GABRA5: variants seen among roughly 807,000 people sequenced by gnomAD.
The protein encoded by GABRA5 is gamma-aminobutyric acid type A receptor subunit alpha5.
In GABRA5, 18 loss-of-function variants were observed where a neutral mutation model predicts 47.3. The observed-to-expected ratio is 0.38, with a 90% CI of 0.26 to 0.56. The LOEUF (loss-of-function observed/expected upper bound fraction) is 0.56, where lower values mean the gene tolerates loss of function less well. Ranked by LOEUF, GABRA5 falls within the 20% of genes least tolerant of loss-of-function variation. GABRA5 has a pLI of 0.71. For missense variants in GABRA5, 365 were observed against 599.3 expected, an observed-to-expected ratio of 0.61 and a Z score of 4.08; for synonymous variants, 237 against 229.3, an observed-to-expected ratio of 1.03 and a Z score of -0.30.
chr15:26,948,652 C>T lies in GABRA5; in HGVS notation c.*419C>T, dbSNP rs114838059. ...GATTATTAGTTGACCAACTATATTG[C>T]GAGAAACAGAGATCATAAAGAGCAC... On this transcript the variant is annotated 3_prime_UTR_variant, in exon 11 of 11. Transcript: ENST00000335625. 2,583 of 165,712 alleles carry T rather than the reference C, an allele frequency of 0.016. 79 individuals carry two copies. The highest frequency in any genetic ancestry group is 0.059 in the African/African-American group (2,458 of 41,738). The allele number at this position is 165,712 out of a possible 1,614,324, so 10.3% of individuals were successfully genotyped here.
chr15:26,870,393 G>A (rs1892436713), intron 3 of GABRA5, among the ~76,000 whole-genome samples: 1 of 152,182 alleles, frequency 6.6e-6, no homozygotes, highest in Non-Finnish European at 1.5e-5. Context: ...GACAGCATTG[G>A]GACTTTAGTC....
At chr15:26,934,264 A>AAAG (rs1894181882) in intron 7 of GABRA5, among the ~76,000 whole-genome samples, 1 of 150,778 alleles carries the variant, frequency 6.6e-6, no homozygotes, top group African/African-American at 2.4e-5. Context: ...AAAAAAAAAA[A>AAAG]AAAGAAAGAA....
intron 7 of GABRA5, among the ~76,000 whole-genome samples, chr15:26,921,895 G>T (rs545908963): frequency 4.0e-4 from 61 of 152,030 alleles, no homozygotes; most frequent in Non-Finnish European, 6.8e-4. Context: ...ACTGTTTGTA[G>T]ATTTTTCTGT....
intron 7 of GABRA5, among the ~76,000 whole-genome samples, chr15:26,927,464 T>C (rs1893989197): frequency 6.6e-6 from 1 of 152,148 alleles, no homozygotes; most frequent in African/African-American, 2.4e-5. Context: ...TGATCATTCA[T>C]TTATATTTAC....
chr15:26,911,398 A>ACACAG (rs1566877398), intron 6 of GABRA5, among the ~76,000 whole-genome samples: 15 of 96,782 alleles, frequency 1.5e-4, no homozygotes, highest in Non-Finnish European at 2.1e-4. Flanking sequence ...CACACACACA[A>ACACAG]ACACACACAC....
In GABRA5 at chr15:26,867,105, G is replaced by A. The variant is rs1269644425; in HGVS notation, c.-146G>A. On this transcript the variant is annotated 5_prime_UTR_variant, in exon 1 of 11. Coordinates refer to ENST00000335625, the MANE Select transcript of GABRA5 (RefSeq NM_000810.4). The surrounding 1 kb of genome is among the most constrained non-coding windows in gnomAD (Gnocchi z 5.9). ...AGCCCAGAGACGACATGTGGCGCTC[G>A]GGCGAGGTGAGAGCGGGCGCGAGTG... 1.3e-5 allele frequency: 2 copies of A among 152,096 alleles called. No homozygotes were observed. Among genetic ancestry groups the A allele is most frequent in the Non-Finnish European group, 1.5e-5 (1 of 67,950 alleles). 9.4% of individuals were successfully genotyped at this position (152,096 alleles called of 1,614,324 possible).
At chr15:26,911,176 C>CTAATTG (rs1555391696) in intron 6 of GABRA5, among the ~76,000 whole-genome samples, 3 of 151,470 alleles carry the variant, frequency 2.0e-5, no homozygotes, top group African/African-American at 7.3e-5. Flanking sequence ...GTTTAGAATT[C>CTAATTG]TAAGGGGCTC....
At chr15:26,908,829 T>G (rs576644123) in intron 6 of GABRA5, among the ~76,000 whole-genome samples, 24 of 152,358 alleles carry the variant, frequency 1.6e-4, no homozygotes, top group Non-Finnish European at 3.1e-4. Flanking sequence ...TATTTCATTA[T>G]CAAAGTCTGA....
chr15:26,942,596 G>T (rs1894410541), intron 9 of GABRA5, among the ~76,000 whole-genome samples: 1 of 152,162 alleles, frequency 6.6e-6, no homozygotes, highest in Non-Finnish European at 1.5e-5. Context: ...TTGCCTTAGT[G>T]CTGCAGAATC....
At chr15:26,904,575 A>G (rs540636407) in intron 6 of GABRA5, among the ~76,000 whole-genome samples, 35 of 152,280 alleles carry the variant, frequency 2.3e-4, no homozygotes, top group African/African-American at 8.4e-4. Flanking sequence ...TTTTAGTGAT[A>G]TCAATTCTTC....
chr15:26,890,819 G>T (rs1892988511), intron 6 of GABRA5, among the ~76,000 whole-genome samples: 1 of 152,134 alleles, frequency 6.6e-6, no homozygotes, highest in African/African-American at 2.4e-5. Context: ...TTATGTGTGT[G>T]CTTGTGAATG....
At chr15:26,914,740 G>A in intron 6 of GABRA5, 63 bp from the exon 7 acceptor site, 7 of 1,262,596 alleles carry the variant, frequency 5.5e-6, no homozygotes, top group Non-Finnish European at 8.1e-6. Flanking sequence ...GGGACACGAT[G>A]GTGGCTCAGT....
In GABRA5 at chr15:26,915,990, G is replaced by A. The variant is rs147582667; in HGVS notation, c.580+1105G>A. Reference sequence around the variant, plus strand: ...CATTATATTTATAGCTTCTTGACAGGATGCATGTCTCATCACTATAAATCA... The same window carrying A: ...CATTATATTTATAGCTTCTTGACAGAATGCATGTCTCATCACTATAAATCA... On this transcript the variant is annotated intron_variant, in intron 7 of 10. Transcript: ENST00000335625. Among the ~76,000 whole-genome samples, 1,155 of 152,176 alleles carry A rather than the reference G, an allele frequency of 7.6e-3. 13 individuals are homozygous for A. Among genetic ancestry groups the A allele is most frequent in the South Asian group, 0.039 (187 of 4,822 alleles).
chr15:26,937,960 G>A (rs890025565), intron 8 of GABRA5, among the ~76,000 whole-genome samples: 1 of 152,240 alleles, frequency 6.6e-6, no homozygotes, highest in African/African-American at 2.4e-5. Flanking sequence ...GTCACCAGGG[G>A]TGCTGTGAGC....
At chr15:26,874,291 G>A (rs1892540185) in intron 3 of GABRA5, among the ~76,000 whole-genome samples, 1 of 151,628 alleles carries the variant, frequency 6.6e-6, no homozygotes, top group Non-Finnish European at 1.5e-5. Flanking sequence ...ATGTATATGA[G>A]TGTATCCCCT....
At chr15:26,921,412 A>G (rs905240380) in intron 7 of GABRA5, among the ~76,000 whole-genome samples, 11 of 152,068 alleles carry the variant, frequency 7.2e-5, no homozygotes, top group African/African-American at 2.7e-4. Context: ...AGTTGTTCAT[A>G]GTTGTTATAT....
intron 7 of GABRA5, among the ~76,000 whole-genome samples, chr15:26,932,313 A>C (rs1257863937): frequency 6.6e-6 from 1 of 152,240 alleles, no homozygotes; most frequent in African/African-American, 2.4e-5. Flanking sequence ...AAAGGACATG[A>C]ACAGACAATT....
chr15:26,941,278 G>T (rs1195331553), intron 9 of GABRA5, among the ~76,000 whole-genome samples: 1 of 152,112 alleles, frequency 6.6e-6, no homozygotes, highest in Non-Finnish European at 1.5e-5. Context: ...AAAAAAAGCT[G>T]GGAGGGTATT....
At chr15:26,869,635 A>G (rs1892414326) in intron 3 of GABRA5, among the ~76,000 whole-genome samples, 1 of 152,250 alleles carries the variant, frequency 6.6e-6, no homozygotes, top group African/African-American at 2.4e-5. Flanking sequence ...TCAGGTTAAA[A>G]CAAGATTCAG....
Sources: gnomAD v4.1 joint callset for allele counts (sites outside exome capture counted in the v4.1 genomes callset) on GRCh38, gnomAD v4.1.1 for gene constraint, Gnocchi (gnomAD v3.1) non-coding constraint, MANE v1.5 for transcripts, NCBI Gene and HGNC (gene_info 2026-07-23, HGNC 2026-07-21) for gene names.